RBM47: variants seen among roughly 807,000 people sequenced by gnomAD.
RBM47 encodes the protein RNA binding motif protein 47, also known as RNA-binding protein 47.
In RBM47, 21 loss-of-function variants were observed where a neutral mutation model predicts 47.1. The ratio of observed to expected loss-of-function variants is 0.45; its 90% CI spans 0.32 to 0.64. The LOEUF (loss-of-function observed/expected upper bound fraction) is 0.64, where lower values mean the gene tolerates loss of function less well. Ranked by LOEUF, RBM47 falls within the 30% of genes least tolerant of loss-of-function variation. The pLI is 0.05. For synonymous variants in RBM47, 375 were observed against 361.7 expected (o/e 1.04, Z -0.42); for missense variants, 708 against 870.9 (o/e 0.81, Z 2.35).
intron 1 of RBM47, among the ~76,000 whole-genome samples, chr4:40,590,421 G>T (rs1394700715): frequency 6.6e-6 from 1 of 151,848 alleles, no homozygotes; most frequent in Non-Finnish European, 1.5e-5. Context: ...ACCCCACAAA[G>T]ACTGGGCAAG....
At chr4:40,536,695 A>G (rs1178487226) in intron 2 of RBM47, among the ~76,000 whole-genome samples, 1 of 148,234 alleles carries the variant, frequency 6.7e-6, no homozygotes, top group Non-Finnish European at 1.5e-5. Context: ...CTGCCTTTGC[A>G]GTTTTTGGTG....
At chr4:40,566,602 G>A (rs890521530) in intron 1 of RBM47, among the ~76,000 whole-genome samples, 6 of 151,948 alleles carry the variant, frequency 3.9e-5, no homozygotes, top group African/African-American at 9.7e-5. Flanking sequence ...CTGAGATAGC[G>A]CCACTACACT....
intron 3 of RBM47, among the ~76,000 whole-genome samples, chr4:40,444,974 T>C (rs1042639332): frequency 6.6e-6 from 1 of 151,746 alleles, no homozygotes; most frequent in African/African-American, 2.4e-5. Flanking sequence ...TTCTAACATA[T>C]TTTAAAACAG....
intron 2 of RBM47, among the ~76,000 whole-genome samples, chr4:40,519,870 A>G (rs1726027301): frequency 6.6e-6 from 1 of 151,576 alleles, no homozygotes; most frequent in Non-Finnish European, 1.5e-5. Context: ...GGGTTTCACC[A>G]TGTTGGCCAG....
rs767559865 is a variant in RBM47 at position 40,438,701 on chromosome 4, G to A, written c.193C>T (p.Pro65Ser). ...YGGPPPGWEG[P>S]HPQRGCEVFV... ...ACCTCGCAGCCACGCTGCGGGTGCGGGCCCTCCCAGCCGGGCGGTGGGCCG... is the reference window on the plus strand; with the variant it reads ...ACCTCGCAGCCACGCTGCGGGTGCGAGCCCTCCCAGCCGGGCGGTGGGCCG... Residue 65 changes from proline (P) to serine (S), a missense_variant, in exon 4 of 7, where the codon CCG (proline) becomes TCG (serine). Physicochemically the swap from Pro to Ser is moderately conservative, Grantham distance 74. Coordinates refer to ENST00000295971, the MANE Select transcript of RBM47 (RefSeq NM_001098634.2). 10 of 1,610,772 alleles carry A rather than the reference G, an allele frequency of 6.2e-6. No homozygotes were observed. In the African/African-American group the frequency reaches 1.3e-4, roughly 22 times the overall value.
intron 6 of RBM47, among the ~76,000 whole-genome samples, chr4:40,429,318 A>G (rs920104249): frequency 4.6e-5 from 7 of 152,184 alleles, no homozygotes; most frequent in Non-Finnish European, 1.0e-4. Flanking sequence ...AAGAAAAAAA[A>G]TCCTATGCTG....
chr4:40,620,023 C>G (rs952647909), intron 1 of RBM47, among the ~76,000 whole-genome samples: 2 of 151,752 alleles, frequency 1.3e-5, no homozygotes, highest in African/African-American at 4.9e-5. Flanking sequence ...ACGGTGAAAC[C>G]CTGTCTCTAC....
chr4:40,622,662 G>A (rs1346994633), intron 1 of RBM47, among the ~76,000 whole-genome samples: 1 of 152,072 alleles, frequency 6.6e-6, no homozygotes, highest in Non-Finnish European at 1.5e-5. Flanking sequence ...TAGGCAGCTC[G>A]CTTGAGGCCA....
At chr4:40,578,434 G>C (rs1354363803) in intron 1 of RBM47, among the ~76,000 whole-genome samples, 2 of 152,184 alleles carry the variant, frequency 1.3e-5, no homozygotes, top group African/African-American at 4.8e-5. Flanking sequence ...AAGCAATTGA[G>C]AACTTTAAAC....
chr4:40,624,448 G>A (rs1361188971), intron 1 of RBM47, among the ~76,000 whole-genome samples: 1 of 152,128 alleles, frequency 6.6e-6, no homozygotes, highest in Non-Finnish European at 1.5e-5. Context: ...AGCCCACAGT[G>A]CTGAGCTCTC....
intron 3 of RBM47, among the ~76,000 whole-genome samples, chr4:40,462,315 GT>G (rs1216209734): frequency 6.6e-6 from 1 of 152,104 alleles, no homozygotes; most frequent in African/African-American, 2.4e-5. Flanking sequence ...AGCTAATTTA[GT>G]TTTTTTCTCT....
chr4:40,601,374 C>T (rs1735271829), intron 1 of RBM47, among the ~76,000 whole-genome samples: 1 of 152,172 alleles, frequency 6.6e-6, no homozygotes, highest in South Asian at 2.1e-4. Context: ...GGCATTTCTA[C>T]ATTGGATGGT....
intron 2 of RBM47, among the ~76,000 whole-genome samples, chr4:40,503,924 G>C (rs1175243967): frequency 6.6e-6 from 1 of 152,048 alleles, no homozygotes; most frequent in Non-Finnish European, 1.5e-5. Flanking sequence ...TGTAATCCCA[G>C]CACTTTGGGA....
intron 2 of RBM47, among the ~76,000 whole-genome samples, chr4:40,490,406 T>A (rs977719159): frequency 6.6e-6 from 1 of 152,114 alleles, no homozygotes; most frequent in Non-Finnish European, 1.5e-5. Context: ...CATTAAAAAA[T>A]TATTAGAACT....
chr4:40,573,654 C>T (rs973519985), intron 1 of RBM47, among the ~76,000 whole-genome samples: 3 of 151,518 alleles, frequency 2.0e-5, no homozygotes, highest in Non-Finnish European at 2.9e-5. Flanking sequence ...TGCCTGAACC[C>T]GGGAGGCAGA....
chr4:40,600,652 G>A lies in RBM47; in HGVS notation c.-240+28744C>T, dbSNP rs536905305. Among the ~76,000 whole-genome samples the A allele has an allele frequency of 3.7e-4, 54 of 144,618 alleles. 1 individual carries two copies. The highest frequency in any genetic ancestry group is 8.9e-4 in the South Asian group (4 of 4,512). The allele number at this position is 144,618 out of a possible 152,430, so 94.9% of individuals were successfully genotyped here. A position where few individuals can be genotyped will look rare whatever the true frequency, so the allele number is the denominator to read the frequency against. ...CCGTCTCAAAAAAAAAGAAAAGCAA[G>A]CAGAAGTAGGCTTTATAGATGAAAG... is the stretch of plus-strand genomic sequence containing the variant. On this transcript the variant is annotated intron_variant, in intron 1 of 6. Coordinates refer to ENST00000295971, the MANE Select transcript of RBM47 (RefSeq NM_001098634.2).
intron 2 of RBM47, among the ~76,000 whole-genome samples, chr4:40,496,055 C>T (rs1291150997): frequency 1.3e-5 from 2 of 152,154 alleles, no homozygotes; most frequent in Non-Finnish European, 2.9e-5. Flanking sequence ...TTTCTATTCC[C>T]TTTTATTTCA....
At chr4:40,627,863 A>C (rs1049306010) in intron 1 of RBM47, among the ~76,000 whole-genome samples, 1 of 152,352 alleles carries the variant, frequency 6.6e-6, no homozygotes, top group Middle Eastern at 3.4e-3. Context: ...GGAATCAAAA[A>C]TAAATATGTT....
chr4:40,548,285 T>C (rs577284503), intron 1 of RBM47, among the ~76,000 whole-genome samples: 41 of 152,232 alleles, frequency 2.7e-4, no homozygotes, highest in African/African-American at 9.6e-4. Flanking sequence ...CATAAGAGCG[T>C]ACAGGATCTC....
Sources: allele counts gnomAD v4.1 joint callset (sites outside exome capture counted in the v4.1 genomes callset), GRCh38; gene constraint gnomAD v4.1.1; transcripts MANE v1.5; gene names NCBI Gene and HGNC (gene_info 2026-07-23, HGNC 2026-07-21).